The following CSMD1 variants were observed in gnomAD, a reference collection of about 807,000 sequenced individuals.
CSMD1 encodes CUB and Sushi multiple domains 1.
A neutral mutation model predicts 417.5 loss-of-function variants in CSMD1; 213 were observed. The observed-to-expected ratio is 0.51, with a 90% CI of 0.46 to 0.57. The LOEUF is 0.57. CSMD1 is among the 20% of genes least tolerant of loss of function. CSMD1 has a pLI of 0.00. For missense variants in CSMD1, 6,923 were observed against 4,529.7 expected, an observed-to-expected ratio of 1.53 and a Z score of -15.17; for synonymous variants, 2,862 against 1,736.8, an observed-to-expected ratio of 1.65 and a Z score of -16.11.
intron 2 of CSMD1, among the ~76,000 whole-genome samples, chr8:4,516,151 G>A (rs1803109717): frequency 6.6e-6 from 1 of 151,992 alleles, no homozygotes; most frequent in South Asian, 2.1e-4. Flanking sequence ...TCATGCAGGG[G>A]CCCTAATCCA....
intron 5 of CSMD1, among the ~76,000 whole-genome samples, chr8:3,797,271 T>G (rs1323982462): frequency 6.6e-6 from 1 of 151,976 alleles, no homozygotes; most frequent in Non-Finnish European, 1.5e-5. Flanking sequence ...GTTTTTAAAA[T>G]TGAGGTAAAA....
At chr8:3,057,523 C>T (rs533835544) in intron 49 of CSMD1, among the ~76,000 whole-genome samples, 3 of 151,238 alleles carry the variant, frequency 2.0e-5, no homozygotes, top group Admixed American at 1.3e-4. Context: ...TATATAAGTA[C>T]ATATGTGTAA....
chr8:4,442,063 A>C (rs1798515099), intron 2 of CSMD1, among the ~76,000 whole-genome samples: 1 of 152,154 alleles, frequency 6.6e-6, no homozygotes, highest in Non-Finnish European at 1.5e-5. Context: ...TTTTGTTTCA[A>C]AACTGCTCAG....
chr8:4,735,754 T>G, intron 1 of CSMD1, among the ~76,000 whole-genome samples: 1 of 152,154 alleles, frequency 6.6e-6, no homozygotes, highest in East Asian at 1.9e-4. Flanking sequence ...ACTGTTAGTC[T>G]TCCTAGTTGT....
Position 3,873,418 on chromosome 8 carries a change from C to A in CSMD1, c.819-119376G>T, listed in dbSNP as rs562372603. Among the ~76,000 whole-genome samples the A allele has an allele frequency of 3.5e-4, 53 of 152,166 alleles. 2 individuals are homozygous for A. In the South Asian group the frequency reaches 8.7e-3, roughly 25 times the overall value. On this transcript the variant is annotated intron_variant, in intron 5 of 69. Coordinates refer to ENST00000635120, the MANE Select transcript of CSMD1 (RefSeq NM_033225.6). ...GTCCTTGGCAGGCACATGGATGGAACTGGAGGCCATTATCTTTAGCAAACT... is the reference window on the plus strand; with the variant it reads ...GTCCTTGGCAGGCACATGGATGGAAATGGAGGCCATTATCTTTAGCAAACT...
intron 54 of CSMD1, among the ~76,000 whole-genome samples, chr8:2,989,499 A>C (rs1302638372): frequency 6.6e-6 from 1 of 152,228 alleles, no homozygotes; most frequent in Non-Finnish European, 1.5e-5. Context: ...ATATTTGAAA[A>C]AGCAGTTTTT....
intron 7 of CSMD1, among the ~76,000 whole-genome samples, chr8:3,708,074 C>G (rs75330212): frequency 6.6e-6 from 1 of 152,134 alleles, no homozygotes; most frequent in African/African-American, 2.4e-5. Context: ...AGAGATCAGT[C>G]TGGTCTGGTG....
At chr8:4,009,374 T>C (rs1241451841) in intron 4 of CSMD1, among the ~76,000 whole-genome samples, 1 of 152,186 alleles carries the variant, frequency 6.6e-6, no homozygotes, top group African/African-American at 2.4e-5. Flanking sequence ...AATAGAACAT[T>C]ACTTAGAAGC....
intron 1 of CSMD1, among the ~76,000 whole-genome samples, chr8:4,880,853 T>C (rs536251334): frequency 1.3e-5 from 2 of 152,264 alleles, no homozygotes; most frequent in Non-Finnish European, 2.9e-5. Flanking sequence ...GTCCCTGATC[T>C]AAGCTATTTA....
intron 5 of CSMD1, among the ~76,000 whole-genome samples, chr8:3,755,453 C>G (rs376258122): frequency 6.0e-4 from 91 of 152,266 alleles, no homozygotes; most frequent in African/African-American, 2.1e-3. Context: ...CAAAATGATG[C>G]TTATTAGTGT....
At chr8:4,102,590 C>T (rs79793240) in intron 3 of CSMD1, among the ~76,000 whole-genome samples, 1 of 152,158 alleles carries the variant, frequency 6.6e-6, no homozygotes, top group South Asian at 2.1e-4. Flanking sequence ...ATAATTCAAT[C>T]TAATGTAACT....
chr8:4,403,986 C>G (rs903653991), intron 3 of CSMD1, among the ~76,000 whole-genome samples: 3 of 152,162 alleles, frequency 2.0e-5, no homozygotes, highest in Admixed American at 2.0e-4. Flanking sequence ...TCTCCTTTCT[C>G]AGGTCAACCA....
intron 12 of CSMD1, among the ~76,000 whole-genome samples, chr8:3,454,160 G>C (rs977822626): frequency 6.6e-6 from 1 of 151,942 alleles, no homozygotes; most frequent in African/African-American, 2.4e-5. Context: ...TTTTCCATTT[G>C]CTTGGTAGAT....
intron 1 of CSMD1, among the ~76,000 whole-genome samples, chr8:4,782,613 A>C (rs1266996599): frequency 6.6e-6 from 1 of 151,924 alleles, no homozygotes; most frequent in Admixed American, 6.6e-5. Context: ...CTGAAAATAA[A>C]CTCTGCATGT....
chr8:3,156,073 A>G (rs1819509746), intron 39 of CSMD1, among the ~76,000 whole-genome samples: 1 of 152,264 alleles, frequency 6.6e-6, no homozygotes, highest in African/African-American at 2.4e-5. Context: ...CCCACACCAC[A>G]CTACGCCGAA....
chr8:4,350,907 C>T (rs1801054790), intron 3 of CSMD1, among the ~76,000 whole-genome samples: 1 of 152,146 alleles, frequency 6.6e-6, no homozygotes, highest in Non-Finnish European at 1.5e-5. Context: ...CTAAGGTGGG[C>T]CGTGCTTACA....
chr8:3,483,940 CAT>C (rs1217937971), intron 11 of CSMD1, among the ~76,000 whole-genome samples: 4 of 152,202 alleles, frequency 2.6e-5, no homozygotes, highest in Non-Finnish European at 4.4e-5. Context: ...TCACAGGACA[CAT>C]AGTGTTCATG....
chr8:3,524,691 A>C (rs796704918), intron 10 of CSMD1, among the ~76,000 whole-genome samples: 2 of 145,446 alleles, frequency 1.4e-5, no homozygotes, highest in East Asian at 4.2e-4. Flanking sequence ...ACATGCACCA[A>C]AGAGACGTGC....
At chr8:3,408,763 T>C (rs1281175487) in intron 13 of CSMD1, among the ~76,000 whole-genome samples, 1 of 151,992 alleles carries the variant, frequency 6.6e-6, no homozygotes, top group African/African-American at 2.4e-5. Context: ...TTTTGAAAAA[T>C]TTACTTTTAA....
Sources: gnomAD v4.1 joint callset for allele counts (sites outside exome capture counted in the v4.1 genomes callset) on GRCh38, gnomAD v4.1.1 for gene constraint, MANE v1.5 for transcripts, NCBI Gene and HGNC (gene_info 2026-07-23, HGNC 2026-07-21) for gene names.